PAM: variants seen among roughly 807,000 people sequenced by gnomAD.
PAM encodes peptidyl-glycine alpha-amidating monooxygenase.
Under a neutral mutation model 122.1 loss-of-function variants are expected in PAM, and 72 were observed. That is an observed-to-expected ratio of 0.59 (90% CI 0.49 to 0.72). The LOEUF (loss-of-function observed/expected upper bound fraction) is 0.72. Ranked by LOEUF, PAM falls within the 30% of genes least tolerant of loss-of-function variation. The probability of loss-of-function intolerance (pLI) is 0.00; values close to 1 mark genes in which losing one functional copy is unlikely to be tolerated. For synonymous variants in PAM, 389 were observed against 404.4 expected (o/e 0.96, Z 0.46); for missense variants, 1,106 against 1,183.7 (o/e 0.93, Z 0.96).
intron 12 of PAM, among the ~76,000 whole-genome samples, chr5:102,957,686 C>T (rs1463414722): frequency 2.0e-5 from 3 of 152,138 alleles, no homozygotes; most frequent in Admixed American, 1.3e-4. Flanking sequence ...GCTGCCACTG[C>T]GCCCAGCTAA....
chr5:102,960,756 G>C (rs112888390), intron 13 of PAM, among the ~76,000 whole-genome samples: 6 of 151,720 alleles, frequency 4.0e-5, no homozygotes, highest in African/African-American at 1.2e-4. Context: ...TATGAGAGAA[G>C]TTAGCATAGC....
intron 1 of PAM, among the ~76,000 whole-genome samples, chr5:102,852,453 C>T: frequency 6.6e-6 from 1 of 151,676 alleles, no homozygotes; most frequent in East Asian, 1.9e-4. Context: ...CTATTTTTTT[C>T]AATCTTTAAA....
At chr5:102,865,503 T>A (rs541803343) in intron 1 of PAM, 2 of 152,356 alleles carry the variant, frequency 1.3e-5, no homozygotes, top group Admixed American at 1.3e-4. Context: ...AAAGGAGTGA[T>A]AGAGGAAGTA....
chr5:102,930,240 G>T (rs541680519), intron 7 of PAM, among the ~76,000 whole-genome samples: 26 of 152,264 alleles, frequency 1.7e-4, no homozygotes, highest in African/African-American at 5.8e-4. Context: ...GGAGTTTATT[G>T]TATTCTAGTA....
chr5:102,955,506 A>G (rs1269904544), intron 12 of PAM, among the ~76,000 whole-genome samples: 1 of 152,074 alleles, frequency 6.6e-6, no homozygotes, highest in Non-Finnish European at 1.5e-5. Context: ...CATTCAACAC[A>G]TATTTATCAA....
At chr5:102,764,244 CAG>C (rs1235439432) in intron 1 of PAM, among the ~76,000 whole-genome samples, 1 of 151,336 alleles carries the variant, frequency 6.6e-6, no homozygotes, top group East Asian at 1.9e-4. Flanking sequence ...ATGGGAGTGA[CAG>C]ATAATCATTA....
At chr5:102,933,910 C>T (rs1054321288) in intron 7 of PAM, among the ~76,000 whole-genome samples, 5 of 152,134 alleles carry the variant, frequency 3.3e-5, no homozygotes, top group African/African-American at 1.2e-4. Flanking sequence ...CTTCCTGACA[C>T]CTAATTGCAG....
chr5:102,889,801 C>T (rs1281157388), intron 3 of PAM, among the ~76,000 whole-genome samples: 1 of 151,808 alleles, frequency 6.6e-6, no homozygotes, highest in Non-Finnish European at 1.5e-5. Context: ...TCCTTGGTCC[C>T]CTTATTGGGC....
intron 1 of PAM, among the ~76,000 whole-genome samples, chr5:102,791,956 A>G (rs1454209310): frequency 2.0e-5 from 3 of 152,220 alleles, no homozygotes; most frequent in Non-Finnish European, 2.9e-5. Context: ...ACCAGATGTC[A>G]TCTTTACTGG....
chr5:103,009,688 A>T (rs959803900), intron 20 of PAM, 63 bp from the exon 21 acceptor site: 20 of 853,140 alleles, frequency 2.3e-5, no homozygotes, highest in Non-Finnish European at 4.1e-5. Flanking sequence ...ATATACATGG[A>T]TATATTAGAA....
intron 15 of PAM, among the ~76,000 whole-genome samples, chr5:102,987,184 G>A (rs1424685380): frequency 6.6e-6 from 1 of 151,978 alleles, no homozygotes; most frequent in African/African-American, 2.4e-5. Context: ...GAGAGAAGGT[G>A]GTGTATGTAC....
At chr5:102,793,950 TC>T in intron 1 of PAM, among the ~76,000 whole-genome samples, 1 of 152,342 alleles carries the variant, frequency 6.6e-6, no homozygotes, top group African/African-American at 2.4e-5. Context: ...CATATTTTTT[TC>T]TTTTTAAAAA....
At chr5:102,950,850 G>T (rs755792259) in intron 12 of PAM, 30 bp downstream of exon 12, 2 of 1,292,626 alleles carry the variant, frequency 1.5e-6, no homozygotes, top group South Asian at 2.4e-5. Context: ...ACTATTTAAA[G>T]ATATTTTATT....
At chr5:102,958,753 G>GA in intron 12 of PAM, among the ~76,000 whole-genome samples, 1 of 152,172 alleles carries the variant, frequency 6.6e-6, no homozygotes, top group East Asian at 1.9e-4. Context: ...ATCCCTGTTT[G>GA]AAAAATATTT....
intron 1 of PAM, among the ~76,000 whole-genome samples, chr5:102,755,646 C>T (rs1231804677): frequency 6.6e-6 from 1 of 152,182 alleles, no homozygotes; most frequent in South Asian, 2.1e-4. Context: ...GGTCGTCCTC[C>T]CCTCCGGTCC....
At chr5:102,922,893 T>A (rs1747943203) in intron 5 of PAM, among the ~76,000 whole-genome samples, 2 of 152,222 alleles carry the variant, frequency 1.3e-5, no homozygotes, top group Admixed American at 1.3e-4. Flanking sequence ...AGGAAAATTT[T>A]GCTTTTGGGC....
At chr5:103,026,612 G>A (rs1229329217) in intron 24 of PAM, among the ~76,000 whole-genome samples, 1 of 152,110 alleles carries the variant, frequency 6.6e-6, no homozygotes, top group Non-Finnish European at 1.5e-5. Context: ...TTATATAGAT[G>A]CTTCAAAAGA....
At chr5:102,891,439 A>T (rs755540761) in intron 3 of PAM, among the ~76,000 whole-genome samples, 15 of 151,832 alleles carry the variant, frequency 9.9e-5, no homozygotes, top group Non-Finnish European at 1.9e-4. Flanking sequence ...TTCTTTTATG[A>T]GTTAGAAGTT....
intron 4 of PAM, among the ~76,000 whole-genome samples, chr5:102,907,052 TGA>T (rs961952945): frequency 6.6e-6 from 1 of 151,636 alleles, no homozygotes; most frequent in Non-Finnish European, 1.5e-5. Flanking sequence ...TATTCAGAGG[TGA>T]GGATTGTTTT....
Sources: allele counts gnomAD v4.1 joint callset (sites outside exome capture counted in the v4.1 genomes callset), GRCh38; gene constraint gnomAD v4.1.1; transcripts MANE v1.5; gene names NCBI Gene and HGNC (gene_info 2026-07-23, HGNC 2026-07-21).